The following DLGAP2 variants were observed in gnomAD, a reference collection of about 807,000 sequenced individuals.
DLGAP2 encodes disks large-associated protein 2.
DLGAP2 carries 26 observed loss-of-function variants against 100.3 expected under a neutral mutation model. The observed-to-expected ratio is 0.26, with a 90% confidence interval of 0.19 to 0.36. The LOEUF is 0.36. DLGAP2 is among the 10% of genes least tolerant of loss of function. The pLI, the probability that DLGAP2 is intolerant of heterozygous loss-of-function variation, is 1.00. For synonymous variants in DLGAP2, 886 were observed against 630.1 expected, an observed-to-expected ratio of 1.41 and a Z score of -6.08; for missense variants, 1,858 against 1,453.2, an observed-to-expected ratio of 1.28 and a Z score of -4.53.
chr8:1,200,004 C>G (rs1012749332), intron 2 of DLGAP2, among the ~76,000 whole-genome samples: 1 of 152,092 alleles, frequency 6.6e-6, no homozygotes, highest in Non-Finnish European at 1.5e-5. Flanking sequence ...CCGGGGGTCC[C>G]ATCCTGTGGA....
intron 1 of DLGAP2, chr8:891,597 G>A (rs981202727): frequency 1.6e-4 from 24 of 152,584 alleles, no homozygotes; most frequent in African/African-American, 5.3e-4. Flanking sequence ...GGCCGGCCTC[G>A]AGAGCCTCCG....
intron 2 of DLGAP2, among the ~76,000 whole-genome samples, chr8:962,464 T>C (rs112782614): frequency 1.8e-3 from 275 of 152,296 alleles, no homozygotes; most frequent in African/African-American, 6.0e-3. Flanking sequence ...GTCCTTGCAC[T>C]GTGGCCGTGG....
At chr8:1,582,246 G>GATAAA in intron 6 of DLGAP2, among the ~76,000 whole-genome samples, 2 of 125,828 alleles carry the variant, frequency 1.6e-5, no homozygotes, top group Admixed American at 8.4e-5. Flanking sequence ...GAAGGATACA[G>GATAAA]ACAAGCCCCA....
rs561325460 is a variant in DLGAP2, at chr8:1,705,622, G to A, written c.*4216G>A. 36 of 152,470 alleles carry A rather than the reference G, an allele frequency of 2.4e-4. No homozygotes were observed. The highest frequency in any genetic ancestry group is 8.2e-4 in the African/African-American group (34 of 41,572). The allele number at this position is 152,470 out of a possible 1,614,324, so 9.4% of individuals were successfully genotyped here. On this transcript the variant is annotated 3_prime_UTR_variant, in exon 15 of 15. Coordinates refer to ENST00000637795, the MANE Select transcript of DLGAP2 (RefSeq NM_001346810.2). ...TGAAATTGCCCCACCTGTGAGCACA[G>A]AAACACGCTTCTCCAACACGGGCCG...
At chr8:1,193,740 TG>T (rs1797689819) in intron 2 of DLGAP2, among the ~76,000 whole-genome samples, 1 of 151,884 alleles carries the variant, frequency 6.6e-6, no homozygotes, top group South Asian at 2.1e-4. Context: ...GCATCCGGGT[TG>T]GGGGTCCTGT....
chr8:1,174,484 C>T (rs1426211008), intron 2 of DLGAP2, among the ~76,000 whole-genome samples: 1 of 152,016 alleles, frequency 6.6e-6, no homozygotes, highest in Non-Finnish European at 1.5e-5. Flanking sequence ...TTACCATCAT[C>T]ATCATCATTA....
chr8:1,111,499 C>G (rs900617074), intron 2 of DLGAP2, among the ~76,000 whole-genome samples: 2 of 152,010 alleles, frequency 1.3e-5, no homozygotes, highest in Non-Finnish European at 2.9e-5. Flanking sequence ...TTTCATCACC[C>G]AGGTTTAATT....
At chr8:1,653,294 C>T (rs1798208760) in intron 8 of DLGAP2, among the ~76,000 whole-genome samples, 1 of 152,184 alleles carries the variant, frequency 6.6e-6, no homozygotes, top group Non-Finnish European at 1.5e-5. Context: ...TTGGTGCTGG[C>T]CCTGCGGGTG....
intron 2 of DLGAP2, among the ~76,000 whole-genome samples, chr8:1,088,788 ACTCCCCCC>A (rs1804065178): frequency 2.2e-4 from 6 of 26,988 alleles, no homozygotes; most frequent in Non-Finnish European, 3.9e-4. Context: ...TGCAATTCTC[ACTCCCCCC>A]ACCCCACTCT....
intron 3 of DLGAP2, among the ~76,000 whole-genome samples, chr8:1,450,366 CT>C (rs1252430154): frequency 4.5e-5 from 5 of 111,056 alleles, no homozygotes; most frequent in Non-Finnish European, 9.8e-5. Context: ...GTGGCTGAGG[CT>C]GAGCTGTGAG....
intron 2 of DLGAP2, among the ~76,000 whole-genome samples, chr8:1,059,808 C>T (rs1037644068): frequency 1.3e-5 from 2 of 152,140 alleles, no homozygotes; most frequent in Admixed American, 1.3e-4. Flanking sequence ...GACAGAGACA[C>T]GCCTCTTGGG....
intron 1 of DLGAP2, among the ~76,000 whole-genome samples, chr8:808,615 TG>T (rs570399278): frequency 1.1e-3 from 166 of 152,236 alleles, no homozygotes; most frequent in African/African-American, 3.8e-3. Context: ...GGGCGGAGCC[TG>T]TGTGAGGAGG....
intron 2 of DLGAP2, among the ~76,000 whole-genome samples, chr8:1,190,294 C>G (rs1034658356): frequency 5.3e-5 from 8 of 152,186 alleles, no homozygotes; most frequent in Admixed American, 6.5e-5. Context: ...AACGTGCCCT[C>G]CATCTCCTCT....
At chr8:976,778 A>G (rs1391204242) in intron 2 of DLGAP2, among the ~76,000 whole-genome samples, 1 of 152,216 alleles carries the variant, frequency 6.6e-6, no homozygotes, top group African/African-American at 2.4e-5. Context: ...TTGACTTATA[A>G]AAAACATAAC....
At chr8:1,176,695 G>A (rs1484660959) in intron 2 of DLGAP2, among the ~76,000 whole-genome samples, 1 of 152,184 alleles carries the variant, frequency 6.6e-6, no homozygotes, top group Non-Finnish European at 1.5e-5. Context: ...GCAGCCCAGG[G>A]CTCCGTCTGC....
At position 893,296 on chromosome 8, in the gene DLGAP2, C is replaced by T. The variant is rs142865038; in HGVS notation, c.19-14616C>T. Among the ~76,000 whole-genome samples the T allele has an allele frequency of 3.5e-4, 53 of 152,266 alleles. 2 individuals carry two copies. In the East Asian group the frequency reaches 8.7e-3, roughly 25 times the overall value. On this transcript the variant is annotated intron_variant, in intron 1 of 14. Transcript: ENST00000637795. ...AAATGATGACGTTTTGCAGAATGTC[C>T]GACAGCTAGGAAGGCAGGCACGGTG...
intron 2 of DLGAP2, among the ~76,000 whole-genome samples, chr8:1,241,197 T>C (rs116371264): frequency 2.0e-5 from 1 of 51,080 alleles, no homozygotes; most frequent in Non-Finnish European, 4.8e-5. Flanking sequence ...TTCTCTCACA[T>C]GGAGCCATGT....
intron 3 of DLGAP2, among the ~76,000 whole-genome samples, chr8:1,335,167 G>T (rs1323805097): frequency 1.3e-5 from 2 of 152,172 alleles, no homozygotes; most frequent in Non-Finnish European, 2.9e-5. Context: ...GATTTCTTGG[G>T]AGCGACAAAG....
At chr8:1,391,944 C>T (rs1796367587) in intron 3 of DLGAP2, among the ~76,000 whole-genome samples, 1 of 151,800 alleles carries the variant, frequency 6.6e-6, no homozygotes, top group Admixed American at 6.6e-5. Context: ...GTGTCTGTGA[C>T]AAAATAACCC....
Sources: allele counts gnomAD v4.1 joint callset (sites outside exome capture counted in the v4.1 genomes callset), GRCh38; gene constraint gnomAD v4.1.1; transcripts MANE v1.5; gene names NCBI Gene and HGNC (gene_info 2026-07-23, HGNC 2026-07-21).